Variants in SOX5 observed in about 807,000 individuals in gnomAD.
SOX5 encodes SRY-box transcription factor 5, also known as transcription factor SOX-5.
In SOX5, 9 loss-of-function variants were observed where a neutral mutation model predicts 92.0. The observed-to-expected ratio is 0.10, with a 90% CI of 0.06 to 0.17. The LOEUF (loss-of-function observed/expected upper bound fraction) is 0.17. Among genes scored for constraint, SOX5 ranks in the 10% least tolerant of loss-of-function variants. The pLI is 1.00. For missense variants in SOX5, 642 were observed against 944.5 expected (o/e 0.68, Z 4.20); for synonymous variants, 344 against 336.3 (o/e 1.02, Z -0.25).
chr12:23,663,587 A>G (rs1446506222), intron 7 of SOX5, among the ~76,000 whole-genome samples: 1 of 152,152 alleles, frequency 6.6e-6, no homozygotes, highest in Non-Finnish European at 1.5e-5. Context: ...CTATATGTAT[A>G]TATTACAGAT....
intron 4 of SOX5, among the ~76,000 whole-genome samples, chr12:24,174,522 A>G (rs963072546): frequency 1.3e-5 from 2 of 150,772 alleles, no homozygotes; most frequent in Non-Finnish European, 3.0e-5. Context: ...GGGGGGGGGA[A>G]CCCACAAAAC....
intron 1 of SOX5, among the ~76,000 whole-genome samples, chr12:23,907,982 C>G (rs1022467332): frequency 3.3e-5 from 5 of 152,100 alleles, no homozygotes; most frequent in East Asian, 1.9e-4. Context: ...TGGGATTCTT[C>G]CTGTTAAAGT....
intron 4 of SOX5, among the ~76,000 whole-genome samples, chr12:24,175,133 C>T (rs1954664456): frequency 6.6e-6 from 1 of 152,218 alleles, no homozygotes; most frequent in Non-Finnish European, 1.5e-5. Flanking sequence ...TCATACTGTA[C>T]ATGGCAATTA....
At chr12:24,058,504 C>T (rs1175224274) in intron 4 of SOX5, among the ~76,000 whole-genome samples, 1 of 152,096 alleles carries the variant, frequency 6.6e-6, no homozygotes, top group South Asian at 2.1e-4. Flanking sequence ...TGTTTTTATA[C>T]TAAATACAAC....
At chr12:23,803,449 C>A (rs991107485) in intron 3 of SOX5, among the ~76,000 whole-genome samples, 6 of 152,130 alleles carry the variant, frequency 3.9e-5, no homozygotes, top group Non-Finnish European at 8.8e-5. Flanking sequence ...TTCAATATTT[C>A]TGAAATTCTT....
intron 2 of SOX5, among the ~76,000 whole-genome samples, chr12:24,293,449 CT>C (rs1327015605): frequency 6.6e-6 from 1 of 152,124 alleles, no homozygotes; most frequent in East Asian, 1.9e-4. Flanking sequence ...TTCTGTCCCC[CT>C]ATTACAACAA....
chr12:24,009,684 A>G (rs1333897977), intron 4 of SOX5, among the ~76,000 whole-genome samples: 2 of 152,220 alleles, frequency 1.3e-5, no homozygotes, highest in African/African-American at 4.8e-5. Context: ...TGAAAGCCAA[A>G]AAGAAAATGG....
chr12:23,977,095 G>A (rs1396368010), intron 4 of SOX5, among the ~76,000 whole-genome samples: 1 of 151,946 alleles, frequency 6.6e-6, no homozygotes, highest in Non-Finnish European at 1.5e-5. Context: ...AAACTACTTC[G>A]GGATAGAAAC....
At chr12:24,548,166 A>C (rs1952827005) in intron 1 of SOX5, among the ~76,000 whole-genome samples, 1 of 152,218 alleles carries the variant, frequency 6.6e-6, no homozygotes, top group Non-Finnish European at 1.5e-5. Flanking sequence ...CCCAGCTAGA[A>C]GGGAAAATCC....
rs1039050900 is a variant in SOX5, at chr12:23,532,033, A to G, written c.*2186T>C. 5 of 151,108 alleles carry G rather than the reference A, an allele frequency of 3.3e-5. No individual in the cohort carries two copies. Among genetic ancestry groups the G allele is most frequent in the Non-Finnish European group, 7.4e-5 (5 of 67,810 alleles). The allele number at this position is 151,108 out of a possible 1,614,324, so 9.4% of individuals were successfully genotyped here. ...CTGCACTTCCAAATCAGAGCAGAATAAAATAGAAAGGGAGAAATAAAATAA... is the reference window on the plus strand; with the variant it reads ...CTGCACTTCCAAATCAGAGCAGAATGAAATAGAAAGGGAGAAATAAAATAA... On this transcript the variant is annotated 3_prime_UTR_variant, in exon 15 of 15. Transcript: ENST00000451604.
At chr12:24,032,456 G>T (rs1353573235) in intron 4 of SOX5, among the ~76,000 whole-genome samples, 1 of 151,684 alleles carries the variant, frequency 6.6e-6, no homozygotes, top group African/African-American at 2.4e-5. Context: ...GCTATACTAA[G>T]GTTTGGATAG....
chr12:24,277,547 A>G (rs1944635174), intron 2 of SOX5, among the ~76,000 whole-genome samples: 1 of 63,070 alleles, frequency 1.6e-5, no homozygotes, highest in Non-Finnish European at 4.3e-5. Flanking sequence ...ATATGTATAT[A>G]AATTTATATT....
At chr12:24,227,065 G>A (rs1962209662) in intron 3 of SOX5, 1 of 152,188 alleles carries the variant, frequency 6.6e-6, no homozygotes, top group African/African-American at 2.4e-5. Context: ...CAGTTCCTAC[G>A]TAATGGACGT....
At chr12:24,120,493 T>C (rs149920879) in intron 4 of SOX5, among the ~76,000 whole-genome samples, 1 of 152,334 alleles carries the variant, frequency 6.6e-6, no homozygotes, top group East Asian at 1.9e-4. Flanking sequence ...CATTTCGAAC[T>C]ATTCTTTCAG....
chr12:24,524,743 T>C (rs1389482142), intron 1 of SOX5, among the ~76,000 whole-genome samples: 1 of 152,072 alleles, frequency 6.6e-6, no homozygotes, highest in African/African-American at 2.4e-5. Context: ...ACACTCTCTA[T>C]AAAAAATAGT....
intron 10 of SOX5, among the ~76,000 whole-genome samples, chr12:23,570,927 A>C (rs1565912655): frequency 4.1e-5 from 1 of 24,476 alleles, no homozygotes; most frequent in Non-Finnish European, 7.4e-5. Context: ...AAAAAAAAAA[A>C]AAAATATATA....
intron 1 of SOX5, among the ~76,000 whole-genome samples, chr12:24,542,511 G>T (rs1392402939): frequency 6.6e-6 from 1 of 152,118 alleles, no homozygotes; most frequent in Admixed American, 6.5e-5. Context: ...AAACTAATGT[G>T]CTCCATTTCT....
At chr12:23,776,652 T>A (rs997534668) in intron 3 of SOX5, among the ~76,000 whole-genome samples, 1 of 151,974 alleles carries the variant, frequency 6.6e-6, no homozygotes, top group Admixed American at 6.6e-5. Flanking sequence ...GAAGGGAGGA[T>A]AATTTTGGGA....
At chr12:24,194,735 T>A (rs888389345) in intron 4 of SOX5, among the ~76,000 whole-genome samples, 9 of 152,064 alleles carry the variant, frequency 5.9e-5, no homozygotes, top group African/African-American at 1.9e-4. Context: ...CCATTAGACA[T>A]CTATTGAAGC....
Sources: allele counts gnomAD v4.1 joint callset (sites outside exome capture counted in the v4.1 genomes callset), GRCh38; gene constraint gnomAD v4.1.1; transcripts MANE v1.5; gene names NCBI Gene and HGNC (gene_info 2026-07-23, HGNC 2026-07-21).